Variants in CHST11 observed in about 807,000 individuals in gnomAD.
CHST11 encodes carbohydrate sulfotransferase 11.
A neutral mutation model predicts 30.4 loss-of-function variants in CHST11; 9 were observed. That is an observed-to-expected ratio of 0.30 (90% CI 0.18 to 0.52). CHST11 has a LOEUF of 0.52. Among genes scored for constraint, CHST11 ranks in the 20% least tolerant of loss-of-function variants. CHST11 has a pLI of 0.97. For synonymous variants in CHST11, 152 were observed against 187.8 expected (o/e 0.81, Z 1.56); for missense variants, 348 against 460.6 (o/e 0.76, Z 2.24).
intron 2 of CHST11, among the ~76,000 whole-genome samples, chr12:104,732,391 G>T (rs983149532): frequency 6.6e-6 from 1 of 152,192 alleles, no homozygotes; most frequent in African/African-American, 2.4e-5. Flanking sequence ...TAGACTCAGT[G>T]GCTGGTTTTC....
chr12:104,545,896 G>A (rs901657779), intron 1 of CHST11, among the ~76,000 whole-genome samples: 4 of 151,928 alleles, frequency 2.6e-5, no homozygotes. Flanking sequence ...TATGATCTCA[G>A]CTCACTGCAA....
chr12:104,723,979 G>A (rs913476910), intron 2 of CHST11, among the ~76,000 whole-genome samples: 2 of 152,204 alleles, frequency 1.3e-5, no homozygotes, highest in East Asian at 1.9e-4. Context: ...AACATATAAG[G>A]CATTACAGGC....
At chr12:104,617,119 C>A (rs1192360581) in intron 2 of CHST11, among the ~76,000 whole-genome samples, 1 of 152,058 alleles carries the variant, frequency 6.6e-6, no homozygotes, top group Non-Finnish European at 1.5e-5. Context: ...ATGACTCAAC[C>A]CAGGGAGAAG....
intron 1 of CHST11, among the ~76,000 whole-genome samples, chr12:104,545,829 G>C (rs1553838): frequency 0.63 from 95,980 of 151,210 alleles, 31,209 homozygotes; most frequent in East Asian, 0.98. Flanking sequence ...CTTGCTCTCT[G>C]TCTCTCTTTT....
intron 2 of CHST11, among the ~76,000 whole-genome samples, chr12:104,715,890 C>T (rs1443277531): frequency 1.3e-5 from 2 of 152,210 alleles, no homozygotes; most frequent in Admixed American, 1.3e-4. Flanking sequence ...GAGCATCACC[C>T]TGTGCATTCT....
intron 1 of CHST11, among the ~76,000 whole-genome samples, chr12:104,543,679 G>T (rs767498492): frequency 6.6e-6 from 1 of 152,106 alleles, no homozygotes; most frequent in Non-Finnish European, 1.5e-5. Context: ...GGCATCATGA[G>T]ACCTGACGAC....
chr12:104,525,394 C>T (rs2038115622), intron 1 of CHST11, among the ~76,000 whole-genome samples: 1 of 152,114 alleles, frequency 6.6e-6, no homozygotes, highest in Non-Finnish European at 1.5e-5. Flanking sequence ...TACTGAAAGG[C>T]CAGTTGAGAA....
intron 1 of CHST11, chr12:104,514,258 T>G: frequency 1.2e-6 from 1 of 860,210 alleles, no homozygotes; most frequent in Non-Finnish European, 2.0e-6. Flanking sequence ...GCAGCCACAG[T>G]TGGTGTGGGT....
chr12:104,623,659 G>A (rs2039183633), intron 2 of CHST11, among the ~76,000 whole-genome samples: 6 of 151,952 alleles, frequency 3.9e-5, no homozygotes, highest in Non-Finnish European at 1.5e-5. Context: ...GCGGTGAGCC[G>A]AGATCGCGCC....
chr12:104,464,589 G>A (rs1184791944), intron 1 of CHST11, among the ~76,000 whole-genome samples: 1 of 151,942 alleles, frequency 6.6e-6, no homozygotes, highest in Non-Finnish European at 1.5e-5. Context: ...CTGCATCCTC[G>A]AACTCCTGGG....
chr12:104,683,203 C>T (rs888454778), intron 2 of CHST11, among the ~76,000 whole-genome samples: 1 of 152,144 alleles, frequency 6.6e-6, no homozygotes, highest in Non-Finnish European at 1.5e-5. Flanking sequence ...TCCACCTGCT[C>T]AGTGCGAGAC....
intron 1 of CHST11, among the ~76,000 whole-genome samples, chr12:104,494,619 G>A (rs988722993): frequency 1.3e-5 from 2 of 152,112 alleles, no homozygotes; most frequent in African/African-American, 2.4e-5. Context: ...GGGTTCCAGC[G>A]CTTCTCAGAA....
At chr12:104,550,153 C>A (rs12308973) in intron 1 of CHST11, among the ~76,000 whole-genome samples, 5,707 of 152,194 alleles carry the variant, frequency 0.037, 345 homozygotes, top group African/African-American at 0.13. Context: ...TGGAGGCGAC[C>A]GTTCTTTTTA....
At chr12:104,596,054 T>C (rs2038903678) in intron 1 of CHST11, among the ~76,000 whole-genome samples, 1 of 152,114 alleles carries the variant, frequency 6.6e-6, no homozygotes, top group South Asian at 2.1e-4. Context: ...GCTGGGAGAT[T>C]TAATGTCCTT....
At chr12:104,603,251 G>T (rs1027583564) in intron 2 of CHST11, among the ~76,000 whole-genome samples, 37 of 152,156 alleles carry the variant, frequency 2.4e-4, no homozygotes, top group African/African-American at 8.9e-4. Context: ...TAGGATTTCT[G>T]GTAACCCGTG....
intron 1 of CHST11, among the ~76,000 whole-genome samples, chr12:104,481,634 A>G (rs2037623818): frequency 6.6e-6 from 1 of 152,142 alleles, no homozygotes; most frequent in African/African-American, 2.4e-5. Context: ...AAGATTGGCT[A>G]AGAAAGGGAA....
At chr12:104,544,540 C>T (rs1448774543) in intron 1 of CHST11, among the ~76,000 whole-genome samples, 2 of 151,914 alleles carry the variant, frequency 1.3e-5, no homozygotes, top group Non-Finnish European at 2.9e-5. Context: ...AACTGTGTCT[C>T]TACTAAAAAT....
At chr12:104,546,946 C>T in intron 1 of CHST11, among the ~76,000 whole-genome samples, 1 of 152,140 alleles carries the variant, frequency 6.6e-6, no homozygotes, top group East Asian at 1.9e-4. Flanking sequence ...ACTGAGATTT[C>T]CAAAGACTGT....
At chr12:104,625,892 C>G (rs7314339) in intron 2 of CHST11, among the ~76,000 whole-genome samples, 2,428 of 152,240 alleles carry the variant, frequency 0.016, 65 homozygotes, top group African/African-American at 0.056. Flanking sequence ...TCCAAGCTCA[C>G]CATGAAGGAG....
Sources: gnomAD v4.1 joint callset for allele counts (sites outside exome capture counted in the v4.1 genomes callset) on GRCh38, gnomAD v4.1.1 for gene constraint, MANE v1.5 for transcripts, NCBI Gene and HGNC (gene_info 2026-07-23, HGNC 2026-07-21) for gene names.